The following NPEPPS variants were observed in gnomAD, a reference collection of about 807,000 sequenced individuals.
NPEPPS encodes puromycin-sensitive aminopeptidase.
NPEPPS carries 14 observed loss-of-function variants against 115.5 expected under a neutral mutation model. The ratio of observed to expected loss-of-function variants is 0.12; its 90% CI spans 0.08 to 0.19. The LOEUF is 0.19. Ranked by LOEUF, NPEPPS falls within the 10% of genes least tolerant of loss-of-function variation. The pLI is 1.00. For missense variants in NPEPPS, 523 were observed against 1,110.8 expected, an observed-to-expected ratio of 0.47 and a Z score of 7.52; for synonymous variants, 285 against 390.6, an observed-to-expected ratio of 0.73 and a Z score of 3.19.
chr17:47,618,121 T>G (rs917613151), intron 19 of NPEPPS, among the ~76,000 whole-genome samples: 1 of 151,966 alleles, frequency 6.6e-6, no homozygotes, highest in Non-Finnish European at 1.5e-5. Flanking sequence ...CCTCAGGTGA[T>G]CCACCCGCCT....
At chr17:47,581,497 T>C (rs1256947563) in intron 4 of NPEPPS, 2 of 152,224 alleles carry the variant, frequency 1.3e-5, no homozygotes, top group Non-Finnish European at 2.9e-5. Context: ...TTGTTATCTA[T>C]GTCATTAATT....
chr17:47,612,732 C>T (rs905725064), intron 18 of NPEPPS, 130 bp downstream of exon 18: 10 of 772,428 alleles, frequency 1.3e-5, no homozygotes, highest in Admixed American at 5.8e-5. Flanking sequence ...GGCATGATCT[C>T]GGCTCACTGC....
At chr17:47,606,560 C>T (rs1250342366) in intron 17 of NPEPPS, among the ~76,000 whole-genome samples, 12 of 151,510 alleles carry the variant, frequency 7.9e-5, no homozygotes, top group East Asian at 2.0e-4. Flanking sequence ...TGGGTTCAAG[C>T]GATTCTCCTG....
rs544795051 is a variant in NPEPPS at position 47,579,496 on chromosome 17, T to A, written c.525T>A (p.Ala175=). Residue 175 remains alanine, a synonymous_variant, in exon 4 of 23, where the codon GCT becomes GCA. Transcript: ENST00000322157. ...CTTCTGGAGAGGTGCGCTATGCTGCTGTAACACAGTTTGAGGTATGGGTTA... is the reference window on the plus strand; with the variant it reads ...CTTCTGGAGAGGTGCGCTATGCTGCAGTAACACAGTTTGAGGTATGGGTTA... ...TTPSGEVRYA[A]VTQFEATDAR... The A allele has an allele frequency of 4.4e-6, 7 of 1,605,474 alleles. No individual in the cohort carries two copies. The South Asian group carries it at 7.8e-5, about 18-fold the overall frequency.
At chr17:47,538,154 AAG>A (rs1908451520) in intron 1 of NPEPPS, among the ~76,000 whole-genome samples, 1 of 149,404 alleles carries the variant, frequency 6.7e-6, no homozygotes, top group Non-Finnish European at 1.5e-5. Flanking sequence ...CCGCCTGCCA[AAG>A]TGCTGGGATT....
At chr17:47,533,043 ACT>A (rs1907939555) in intron 1 of NPEPPS, among the ~76,000 whole-genome samples, 1 of 152,204 alleles carries the variant, frequency 6.6e-6, no homozygotes, top group Non-Finnish European at 1.5e-5. Context: ...TGAAGTGAAG[ACT>A]GGTGCTCGAA....
chr17:47,602,964 A>G (rs1208872243), intron 15 of NPEPPS, among the ~76,000 whole-genome samples: 1 of 152,198 alleles, frequency 6.6e-6, no homozygotes, highest in African/African-American at 2.4e-5. Context: ...AAATAAAGGG[A>G]ATCAATAAAG....
intron 3 of NPEPPS, among the ~76,000 whole-genome samples, chr17:47,569,783 A>AT (rs1911086441): frequency 6.6e-6 from 1 of 151,956 alleles, no homozygotes; most frequent in Non-Finnish European, 1.5e-5. Flanking sequence ...ACACCGGCTA[A>AT]TTTTTTTGTA....
chr17:47,579,563 A>G, intron 4 of NPEPPS, 52 bp downstream of exon 4: 1 of 1,535,914 alleles, frequency 6.5e-7, no homozygotes, highest in Non-Finnish European at 8.8e-7. Flanking sequence ...AGGCATTCTG[A>G]CAAAGCTGTG....
At chr17:47,565,792 G>C (rs2143790576) in intron 2 of NPEPPS, among the ~76,000 whole-genome samples, 1 of 151,798 alleles carries the variant, frequency 6.6e-6, no homozygotes, top group South Asian at 2.1e-4. Context: ...TGTACTCCAG[G>C]TTGGGCAACA....
rs1914424579 is a variant in NPEPPS at position 47,619,739 on chromosome 17, A to G, written c.2562A>G (p.Leu854=). 1 of 1,613,360 alleles carries G rather than the reference A, an allele frequency of 6.2e-7. No individual in the cohort carries two copies. The highest frequency in any genetic ancestry group is 1.1e-5 in the South Asian group (1 of 91,066). Residue 854 remains leucine (L), a splice_region_variant and synonymous_variant, in exon 22 of 23, where the codon CTA becomes CTG. Transcript: ENST00000322157. ...TGTTTAAAACCATTGTTTTGCAGCT[A>G]TCAGTTGAGGGATTTGCAGTTGATA... The part of the protein sequence containing the change: ...GGFLISRLIK[L]SVEGFAVDKM...
intron 14 of NPEPPS, 44 bp from the exon 15 acceptor site, chr17:47,601,562 TTC>T (rs1913200729): frequency 6.2e-7 from 1 of 1,610,052 alleles, no homozygotes; most frequent in South Asian, 1.1e-5. Flanking sequence ...CCACCTTACC[TTC>T]TGTTTGTCCC....
At chr17:47,592,898 T>C (rs558131364) in intron 12 of NPEPPS, among the ~76,000 whole-genome samples, 1 of 152,114 alleles carries the variant, frequency 6.6e-6, no homozygotes, top group African/African-American at 2.4e-5. Context: ...ATGCTATCCC[T>C]CCCCCAGCCC....
intron 22 of NPEPPS, among the ~76,000 whole-genome samples, chr17:47,620,835 A>G (rs1166482677): frequency 6.6e-6 from 1 of 152,216 alleles, no homozygotes; most frequent in Non-Finnish European, 1.5e-5. Flanking sequence ...TGCATTAGAA[A>G]AGTTTATTCA....
At chr17:47,594,148 G>GTCTCAAAAGACCGTT (rs1912688699) in intron 12 of NPEPPS, among the ~76,000 whole-genome samples, 1 of 152,078 alleles carries the variant, frequency 6.6e-6, no homozygotes, top group Admixed American at 6.6e-5. Flanking sequence ...GCGAAACGCG[G>GTCTCAAAAGACCGTT]TCTCAAAAGA....
Position 47,586,241 on chromosome 17 carries a change from G to T in NPEPPS, c.943G>T (p.Ala315Ser). 1 of 1,186,722 alleles carries T rather than the reference G, an allele frequency of 8.4e-7. No individual in the cohort carries two copies. The highest frequency in any genetic ancestry group is 1.1e-6 in the Non-Finnish European group (1 of 905,530). The allele number at this position is 1,186,722 out of a possible 1,614,324, so 73.5% of individuals were successfully genotyped here. ...IDLIAIADFAAGAMENWGLVT... is the reference protein window; with the variant it reads ...IDLIAIADFASGAMENWGLVT... Reference sequence around the variant, plus strand: ...TCTCATTGCTATTGCAGACTTTGCAGCTGGTAAAGTAAATTTCATTTTATT... The same window carrying T: ...TCTCATTGCTATTGCAGACTTTGCATCTGGTAAAGTAAATTTCATTTTATT... Residue 315 changes from alanine to serine, a missense_variant, in exon 7 of 23, where the codon GCT becomes TCT. Around this residue, in one of 4 missense-constraint regions of NPEPPS, gnomAD observed 144 missense variants for 512.4 expected, o/e 0.28. Transcript: ENST00000322157.
chr17:47,589,030 C>G lies in NPEPPS; in HGVS notation c.1095+1686C>G, dbSNP rs562100091. Among the ~76,000 whole-genome samples, 27 of 152,350 alleles carry G rather than the reference C, an allele frequency of 1.8e-4. No homozygotes were observed. The East Asian group carries it at 5.2e-3, about 29-fold the overall frequency. On this transcript the variant is annotated intron_variant, in intron 9 of 22. Coordinates refer to ENST00000322157, the MANE Select transcript of NPEPPS (RefSeq NM_006310.4). ...CTCTGGGCTCAAGCAATCCTCCTGT[C>G]TCTGCCTCCTGAGTAGCTGCAATTA...
intron 2 of NPEPPS, among the ~76,000 whole-genome samples, chr17:47,557,830 G>A (rs921080976): frequency 2.0e-4 from 30 of 148,830 alleles, no homozygotes; most frequent in African/African-American, 7.0e-4. Context: ...AATGTAACCA[G>A]GTAATGAACA....
At chr17:47,555,271 A>G (rs948632575) in intron 2 of NPEPPS, among the ~76,000 whole-genome samples, 29 of 152,166 alleles carry the variant, frequency 1.9e-4, no homozygotes, top group African/African-American at 7.0e-4. Context: ...AAACTGCTGT[A>G]AATTATGTAG....
Sources: gnomAD v4.1 joint callset for allele counts (sites outside exome capture counted in the v4.1 genomes callset) on GRCh38, gnomAD v4.1.1 for gene constraint, gnomAD v4.1.1 regional missense constraint, MANE v1.5 for transcripts, NCBI Gene and HGNC (gene_info 2026-07-23, HGNC 2026-07-21) for gene names.